Variants in ELAVL2 observed in about 807,000 individuals in gnomAD.
ELAVL2 encodes the protein ELAV-like protein 2.
ELAVL2 carries 4 observed loss-of-function variants against 34.6 expected under a neutral mutation model. That is an observed-to-expected ratio of 0.12 (90% CI 0.06 to 0.26). The LOEUF (loss-of-function observed/expected upper bound fraction) is 0.26. ELAVL2 is among the 10% of genes least tolerant of loss of function. ELAVL2 has a pLI of 1.00. For synonymous variants in ELAVL2, 193 were observed against 154.8 expected (o/e 1.25, Z -1.83); for missense variants, 432 against 442.8 (o/e 0.98, Z 0.22).
intron 1 of ELAVL2, chr9:23,821,867 GGCTT>G (rs2064829432): frequency 6.6e-6 from 1 of 151,400 alleles, no homozygotes. Flanking sequence ...GGGAAGGAGG[GGCTT>G]GCTTGGAAGA....
intron 1 of ELAVL2, chr9:23,821,911 C>T (rs1397143815): frequency 6.6e-6 from 1 of 151,110 alleles, no homozygotes; most frequent in East Asian, 2.0e-4. Context: ...GCGGCGAGTT[C>T]GCGGCGCCGC....
chr9:23,818,341 T>C (rs1430486106), intron 1 of ELAVL2, among the ~76,000 whole-genome samples: 4 of 152,146 alleles, frequency 2.6e-5, no homozygotes, highest in Non-Finnish European at 5.9e-5. Context: ...TGGGTCCCAG[T>C]GCAAGATGAA....
chr9:23,708,627 A>C (rs1007009651), intron 3 of ELAVL2, among the ~76,000 whole-genome samples: 4 of 152,202 alleles, frequency 2.6e-5, no homozygotes, highest in Non-Finnish European at 5.9e-5. Flanking sequence ...GTTGCTAGAA[A>C]TTAGTTAAAA....
At chr9:23,767,986 T>C (rs1015488319) in intron 1 of ELAVL2, among the ~76,000 whole-genome samples, 33 of 152,112 alleles carry the variant, frequency 2.2e-4, no homozygotes, top group African/African-American at 7.2e-4. Flanking sequence ...AGCCACTCCA[T>C]TGCCATGGTC....
chr9:23,775,976 T>C (rs2058122768), intron 1 of ELAVL2, among the ~76,000 whole-genome samples: 1 of 152,108 alleles, frequency 6.6e-6, no homozygotes, highest in South Asian at 2.1e-4. Context: ...CAGTAAAAAA[T>C]ATCAAGACAG....
At chr9:23,718,016 CCATG>C (rs1439394909) in intron 3 of ELAVL2, among the ~76,000 whole-genome samples, 1 of 152,132 alleles carries the variant, frequency 6.6e-6, no homozygotes, top group Admixed American at 6.5e-5. Flanking sequence ...AAGGTGAGCA[CCATG>C]CACATCTTTT....
chr9:23,714,828 C>T (rs2041891868), intron 3 of ELAVL2, among the ~76,000 whole-genome samples: 1 of 152,060 alleles, frequency 6.6e-6, no homozygotes, highest in South Asian at 2.1e-4. Flanking sequence ...ACTGAAGAGG[C>T]TACACTCTCA....
At chr9:23,802,889 T>C (rs1306731197) in intron 1 of ELAVL2, among the ~76,000 whole-genome samples, 1 of 152,156 alleles carries the variant, frequency 6.6e-6, no homozygotes, top group African/African-American at 2.4e-5. Context: ...TAATATGTAA[T>C]GGGTTTGCTA....
At chr9:23,768,140 A>G (rs1417932950) in intron 1 of ELAVL2, among the ~76,000 whole-genome samples, 1 of 152,174 alleles carries the variant, frequency 6.6e-6, no homozygotes, top group East Asian at 1.9e-4. Context: ...CTGCCTATCA[A>G]ATGAAGTGTA....
intron 1 of ELAVL2, among the ~76,000 whole-genome samples, chr9:23,797,812 G>T (rs530747176): frequency 3.3e-5 from 5 of 152,066 alleles, no homozygotes; most frequent in Non-Finnish European, 5.9e-5. Flanking sequence ...CCTGTAATCC[G>T]AGCTACTCGG....
At chr9:23,739,228 G>T (rs143889891) in intron 2 of ELAVL2, among the ~76,000 whole-genome samples, 64 of 152,224 alleles carry the variant, frequency 4.2e-4, no homozygotes, top group African/African-American at 1.1e-3. Context: ...CTGAAAGAAA[G>T]TGACTGAGAT....
At chr9:23,753,088 C>G (rs1231329662) in intron 2 of ELAVL2, among the ~76,000 whole-genome samples, 1 of 152,126 alleles carries the variant, frequency 6.6e-6, no homozygotes, top group East Asian at 1.9e-4. Context: ...AGAGCCAAAA[C>G]AAATACCTTA....
At chr9:23,697,010 TG>T (rs1813435352) in intron 5 of ELAVL2, among the ~76,000 whole-genome samples, 2 of 152,274 alleles carry the variant, frequency 1.3e-5, no homozygotes, top group East Asian at 3.9e-4. Context: ...CTCAGTCCTG[TG>T]TATCACCTGC....
At chr9:23,850,245 C>A in the ELAVL2 span, among the ~76,000 whole-genome samples, 2 of 150,704 alleles carry the variant, frequency 1.3e-5, no homozygotes, top group Non-Finnish European at 3.0e-5. Context: ...ACCCCCCCCG[C>A]CCCCAGCACC....
intron 1 of ELAVL2, among the ~76,000 whole-genome samples, chr9:23,767,301 C>T (rs926264179): frequency 1.3e-5 from 2 of 152,158 alleles, no homozygotes; most frequent in African/African-American, 2.4e-5. Flanking sequence ...CTTTATATCT[C>T]ATATCTGGGA....
intron 3 of ELAVL2, among the ~76,000 whole-genome samples, chr9:23,726,478 C>G (rs984576612): frequency 6.6e-6 from 1 of 151,856 alleles, no homozygotes; most frequent in Non-Finnish European, 1.5e-5. Context: ...TTTGAGGGGT[C>G]AGAACTTACC....
chr9:23,783,995 C>A (rs1157650539), intron 1 of ELAVL2, among the ~76,000 whole-genome samples: 10 of 151,872 alleles, frequency 6.6e-5, no homozygotes, highest in African/African-American at 2.4e-4. Context: ...GAGATCGAGA[C>A]CATCCTGGCT....
chr9:23,801,470 GC>G (rs1180642832), intron 1 of ELAVL2, among the ~76,000 whole-genome samples: 2 of 152,214 alleles, frequency 1.3e-5, no homozygotes, highest in East Asian at 3.9e-4. Flanking sequence ...GTGTGTCTTT[GC>G]CTTCAAGGGC....
At chr9:23,733,879 C>T (rs922704130) in intron 2 of ELAVL2, among the ~76,000 whole-genome samples, 2 of 152,090 alleles carry the variant, frequency 1.3e-5, no homozygotes, top group Non-Finnish European at 2.9e-5. Context: ...GGGTCTTCCA[C>T]CTGATACCCT....
Sources: allele counts gnomAD v4.1 joint callset (sites outside exome capture counted in the v4.1 genomes callset), GRCh38; gene constraint gnomAD v4.1.1; transcripts MANE v1.5; gene names NCBI Gene and HGNC (gene_info 2026-07-23, HGNC 2026-07-21).